Variants in ACSM6 observed in about 807,000 individuals in gnomAD.
ACSM6 encodes the protein acyl-coenzyme A synthetase ACSM6, mitochondrial.
A neutral mutation model predicts 51.1 loss-of-function variants in ACSM6; 35 were observed. The ratio of observed to expected loss-of-function variants is 0.69; its 90% CI spans 0.52 to 0.91. The LOEUF (loss-of-function observed/expected upper bound fraction) is 0.91, where lower values mean the gene tolerates loss of function less well. ACSM6 is among the 40% of genes least tolerant of loss of function. ACSM6 has a pLI of 0.00. For synonymous variants in ACSM6, 172 were observed against 207.3 expected (o/e 0.83, Z 1.46); for missense variants, 509 against 584.1 (o/e 0.87, Z 1.32).
At chr10:95,194,948 T>C (rs1037376149) in intron 2 of ACSM6, among the ~76,000 whole-genome samples, 1 of 152,204 alleles carries the variant, frequency 6.6e-6, no homozygotes, top group Non-Finnish European at 1.5e-5. Context: ...AATTGAGATA[T>C]TAATGGTGTG....
Position 95,217,539 on chromosome 10 carries a change from G to A in ACSM6, c.1120-2352G>A, listed in dbSNP as rs147508408. ...AATAAGAATTTGTGGTGGGGGGCAG[G>A]GGGATTTCTTACATTTGTTTTATAT... is the stretch of plus-strand genomic sequence containing the variant. On this transcript the variant is annotated intron_variant, in intron 8 of 10. Transcript: ENST00000341686. Among the ~76,000 whole-genome samples the A allele has an allele frequency of 2.6e-3, 392 of 152,092 alleles. 8 individuals are homozygous for A. The East Asian group carries it at 0.067, about 26-fold the overall frequency.
chr10:95,213,459 G>C (rs1368750692), intron 7 of ACSM6, among the ~76,000 whole-genome samples: 2 of 152,152 alleles, frequency 1.3e-5, no homozygotes, highest in South Asian at 2.1e-4. Flanking sequence ...TATGATATTG[G>C]GGTGGGATTA....
chr10:95,209,930 G>A (rs1463236119), intron 4 of ACSM6, among the ~76,000 whole-genome samples: 2 of 152,066 alleles, frequency 1.3e-5, no homozygotes, highest in African/African-American at 4.8e-5. Context: ...TGACAGGTAA[G>A]GTGAGTCATG....
Position 95,228,625 on chromosome 10 carries a change from G to A in ACSM6, c.1303-19G>A, listed in dbSNP as rs2035064404. ...GAGAGGGAAGTAAATGTAGGTTTCTGGATTCATCATTCTATCAGGTGAGCT... is the reference window on the plus strand; with the variant it reads ...GAGAGGGAAGTAAATGTAGGTTTCTAGATTCATCATTCTATCAGGTGAGCT... On this transcript the variant is annotated intron_variant, in intron 10 of 10. Coordinates refer to ENST00000341686, the Ensembl canonical transcript of ACSM6. 1 of 1,548,572 alleles carries A rather than the reference G, an allele frequency of 6.5e-7. No individual in the cohort carries two copies. Among genetic ancestry groups the A allele is most frequent in the African/African-American group, 1.4e-5 (1 of 72,852 alleles).
intron 8 of ACSM6, among the ~76,000 whole-genome samples, chr10:95,216,118 C>A (rs1433715991): frequency 6.6e-6 from 1 of 152,048 alleles, no homozygotes; most frequent in Non-Finnish European, 1.5e-5. Context: ...TTTTTTAGCA[C>A]AGACACAGAC....
intron 3 of ACSM6, among the ~76,000 whole-genome samples, chr10:95,204,063 C>T (rs1359442043): frequency 4.6e-5 from 7 of 152,062 alleles, no homozygotes; most frequent in Admixed American, 4.6e-4. Flanking sequence ...TGAGAAAGGA[C>T]AGGGACCACT....
At chr10:95,196,574 C>A (rs989749327) in intron 2 of ACSM6, among the ~76,000 whole-genome samples, 3 of 152,078 alleles carry the variant, frequency 2.0e-5, no homozygotes, top group African/African-American at 7.3e-5. Flanking sequence ...ATATATATTT[C>A]TTTTCTACTG....
intron 7 of ACSM6, among the ~76,000 whole-genome samples, chr10:95,213,916 G>A (rs2034919867): frequency 6.6e-6 from 1 of 152,136 alleles, no homozygotes; most frequent in Non-Finnish European, 1.5e-5. Context: ...GGAACGCCTA[G>A]TTCATTGGCA....
At chr10:95,217,370 A>G (rs1035977935) in intron 8 of ACSM6, among the ~76,000 whole-genome samples, 3 of 151,902 alleles carry the variant, frequency 2.0e-5, no homozygotes, top group Non-Finnish European at 2.9e-5. Flanking sequence ...AAAAAGAAAA[A>G]GAAAATAGGG....
intron 10 of ACSM6, chr10:95,228,187 C>G (rs1403240153): frequency 1.6e-5 from 1 of 64,174 alleles, no homozygotes; most frequent in Non-Finnish European, 3.9e-5. Context: ...GGTGTAAGAA[C>G]CTTTAGCTGA....
intron 9 of ACSM6, among the ~76,000 whole-genome samples, chr10:95,224,109 T>G (rs1001622292): frequency 6.6e-6 from 1 of 152,250 alleles, no homozygotes; most frequent in Non-Finnish European, 1.5e-5. Context: ...TCTAATTTAC[T>G]AGACTTAGTA....
intron 10 of ACSM6, 53 bp from the exon 11 acceptor site, chr10:95,228,591 A>T: frequency 6.6e-7 from 1 of 1,523,396 alleles, no homozygotes; most frequent in Non-Finnish European, 8.8e-7. Context: ...CATATCACTA[A>T]ATGATTGTGA....
At chr10:95,194,396 C>T in intron 1 of ACSM6, 69 bp from the exon 2 acceptor site, 2 of 1,200,870 alleles carry the variant, frequency 1.7e-6, no homozygotes, top group Non-Finnish European at 2.3e-6. Context: ...TCATTCTCAG[C>T]ACTACAATCT....
At chr10:95,228,797 T>C in exon 11 of ACSM6, 1 of 1,550,340 alleles carries the variant, frequency 6.5e-7, no homozygotes, top group East Asian at 2.4e-5. Context: ...GCTTTGGTTA[T>C]TGCTATTGAG....
chr10:95,217,037 G>T (rs1332053926), intron 8 of ACSM6, among the ~76,000 whole-genome samples: 1 of 152,196 alleles, frequency 6.6e-6, no homozygotes, highest in Non-Finnish European at 1.5e-5. Flanking sequence ...TGTTTTCCAG[G>T]TAGATAGGAA....
chr10:95,202,069 C>A, exon 3 of ACSM6: 1 of 1,551,924 alleles, frequency 6.4e-7, no homozygotes, highest in East Asian at 2.4e-5. Flanking sequence ...AAGGATGACT[C>A]AACTCTCCAA....
intron 3 of ACSM6, among the ~76,000 whole-genome samples, chr10:95,203,751 T>C (rs1187439582): frequency 1.3e-5 from 2 of 151,488 alleles, no homozygotes; most frequent in African/African-American, 2.4e-5. Flanking sequence ...TTTTTGGTAG[T>C]TGGAAGGTGC....
At chr10:95,208,028 C>T (rs2034860127) in intron 4 of ACSM6, among the ~76,000 whole-genome samples, 1 of 151,956 alleles carries the variant, frequency 6.6e-6, no homozygotes, top group Non-Finnish European at 1.5e-5. Flanking sequence ...ATAATCCCAG[C>T]TACTCAGGAG....
intron 2 of ACSM6, among the ~76,000 whole-genome samples, chr10:95,198,388 C>T (rs1027706690): frequency 5.3e-5 from 8 of 152,170 alleles, no homozygotes; most frequent in African/African-American, 9.7e-5. Context: ...CAGTGGATCA[C>T]GCCTGTAATC....
Sources: allele counts gnomAD v4.1 joint callset (sites outside exome capture counted in the v4.1 genomes callset), GRCh38; gene constraint gnomAD v4.1.1; transcripts MANE v1.5; gene names NCBI Gene and HGNC (gene_info 2026-07-23, HGNC 2026-07-21).